The following KCNH8 variants were observed in gnomAD, a reference collection of about 807,000 sequenced individuals.
KCNH8 encodes the protein voltage-gated delayed rectifier potassium channel KCNH8.
Under a neutral mutation model 103.6 loss-of-function variants are expected in KCNH8, and 70 were observed. The ratio of observed to expected loss-of-function variants is 0.68; its 90% CI spans 0.56 to 0.82. The LOEUF (loss-of-function observed/expected upper bound fraction) is 0.82. KCNH8 is among the 40% of genes least tolerant of loss of function. The pLI, the probability that KCNH8 is intolerant of heterozygous loss-of-function variation, is 0.00. For missense variants in KCNH8, 1,217 were observed against 1,329.9 expected, an observed-to-expected ratio of 0.92 and a Z score of 1.32; for synonymous variants, 498 against 489.4, an observed-to-expected ratio of 1.02 and a Z score of -0.23.
At position 19,202,868 on chromosome 3, in the gene KCNH8, A is replaced by T. The variant is rs933434233; in HGVS notation, c.77-50786A>T. ...TGATGATAACATGTAATGTGCACAA[A>T]AAGTTTGTTGACATTTACCACCCAT... On this transcript the variant is annotated intron_variant, in intron 1 of 15. Coordinates refer to ENST00000328405, the MANE Select transcript of KCNH8 (RefSeq NM_144633.3). Among the ~76,000 whole-genome samples, 4 of 152,130 alleles carry T rather than the reference A, an allele frequency of 2.6e-5. No homozygotes were observed. In the East Asian group the frequency reaches 7.7e-4, roughly 29 times the overall value.
At chr3:19,520,294 A>G (rs1049740796) in intron 15 of KCNH8, among the ~76,000 whole-genome samples, 3 of 151,880 alleles carry the variant, frequency 2.0e-5, no homozygotes, top group African/African-American at 4.8e-5. Context: ...GAAAGATAAA[A>G]TATCAAGGTC....
At chr3:19,317,785 T>C in intron 3 of KCNH8, among the ~76,000 whole-genome samples, 1 of 151,760 alleles carries the variant, frequency 6.6e-6, no homozygotes, top group Non-Finnish European at 1.5e-5. Flanking sequence ...TCCTTTCATG[T>C]TAAAAACTCT....
chr3:19,457,908 C>A (rs1466480717), intron 11 of KCNH8, among the ~76,000 whole-genome samples: 3 of 151,890 alleles, frequency 2.0e-5, no homozygotes, highest in Admixed American at 1.3e-4. Flanking sequence ...TAGATAATAT[C>A]CCATTATGAG....
chr3:19,292,731 C>T (rs761313339), intron 3 of KCNH8, among the ~76,000 whole-genome samples: 12 of 152,138 alleles, frequency 7.9e-5, no homozygotes, highest in Admixed American at 7.2e-4. Flanking sequence ...TTGCTTGTCA[C>T]CTGATGGTTG....
intron 5 of KCNH8, among the ~76,000 whole-genome samples, chr3:19,389,393 G>A (rs913941310): frequency 2.6e-5 from 4 of 152,132 alleles, no homozygotes; most frequent in Non-Finnish European, 4.4e-5. Context: ...TAAAACGCTC[G>A]ATAATATATA....
chr3:19,156,985 A>ATTTT (rs1205838506), intron 1 of KCNH8, among the ~76,000 whole-genome samples: 1,880 of 142,474 alleles, frequency 0.013, 42 homozygotes, highest in African/African-American at 0.054. Flanking sequence ...TTTTTTTTAA[A>ATTTT]AAAAAGGTTT....
rs996535944 is a variant in KCNH8, at chr3:19,191,614, T to C, written c.76+42819T>C. On this transcript the variant is annotated intron_variant, in intron 1 of 15. Transcript: ENST00000328405. ...CTCTGTCACCTTTCTCTAGAACTCC[T>C]GTTAGATGCATGTTAGCCTTTCAAT... 2.8e-4 allele frequency among the ~76,000 whole-genome samples: 43 copies of C among 151,770 alleles called. 1 individual carries two copies. The highest frequency in any genetic ancestry group is 1.0e-3 in the African/African-American group (43 of 41,382).
rs536560438 is a variant in KCNH8, at chr3:19,205,144, T to C, written c.77-48510T>C. 8.5e-5 allele frequency among the ~76,000 whole-genome samples: 13 copies of C among 152,072 alleles called. No individual in the cohort carries two copies. The South Asian group carries it at 2.5e-3, about 29-fold the overall frequency. On this transcript the variant is annotated intron_variant, in intron 1 of 15. Coordinates refer to ENST00000328405, the MANE Select transcript of KCNH8 (RefSeq NM_144633.3). ...ACCCATCCACCTACCCAACTATCTA[T>C]CTACCTATCCATCCACTCACTCTTT...
chr3:19,499,254 G>C (rs1429274511), intron 11 of KCNH8, among the ~76,000 whole-genome samples: 5 of 152,104 alleles, frequency 3.3e-5, no homozygotes, highest in East Asian at 1.9e-4. Flanking sequence ...AGAATAAAAA[G>C]AAACGAGCAA....
chr3:19,200,949 C>T (rs180906003), intron 1 of KCNH8, among the ~76,000 whole-genome samples: 18 of 151,596 alleles, frequency 1.2e-4, no homozygotes, highest in Admixed American at 2.0e-4. Context: ...GTAGTATATA[C>T]GGCCGGGCGC....
At chr3:19,503,982 A>G (rs1009966789) in intron 11 of KCNH8, among the ~76,000 whole-genome samples, 1 of 152,150 alleles carries the variant, frequency 6.6e-6, no homozygotes, top group Admixed American at 6.5e-5. Context: ...GGGATACTGT[A>G]CAAAAAGAGA....
chr3:19,534,335 G>A lies in KCNH8; in HGVS notation c.*236G>A. On this transcript the variant is annotated 3_prime_UTR_variant, in exon 16 of 16. Transcript: ENST00000328405. Reference sequence around the variant, plus strand: ...CAGGTATTAAACTACTGGTCTGTTTGACAGACTTTGGTAACAATCCAAAGA... The same window carrying A: ...CAGGTATTAAACTACTGGTCTGTTTAACAGACTTTGGTAACAATCCAAAGA... 4 of 520,694 alleles carry A rather than the reference G, an allele frequency of 7.7e-6. No homozygotes were observed. The highest frequency in any genetic ancestry group is 3.1e-5 in the East Asian group (1 of 32,308). 32.3% of individuals were successfully genotyped at this position (520,694 alleles called of 1,614,324 possible). A position where few individuals can be genotyped will look rare whatever the true frequency, so the allele number is the denominator to read the frequency against.
intron 3 of KCNH8, among the ~76,000 whole-genome samples, chr3:19,330,490 G>C (rs1052975950): frequency 3.3e-5 from 5 of 152,102 alleles, no homozygotes; most frequent in African/African-American, 1.2e-4. Flanking sequence ...CACCTATTGT[G>C]AAACTGTTGT....
At chr3:19,308,344 AAACT>A (rs2065156994) in intron 3 of KCNH8, among the ~76,000 whole-genome samples, 1 of 151,710 alleles carries the variant, frequency 6.6e-6, no homozygotes, top group East Asian at 1.9e-4. Context: ...AGTAGACCTC[AAACT>A]AATCTGTGCA....
intron 5 of KCNH8, among the ~76,000 whole-genome samples, chr3:19,375,912 C>A (rs529109284): frequency 3.2e-4 from 48 of 152,266 alleles, no homozygotes; most frequent in African/African-American, 1.1e-3. Context: ...CCCAGTTAGG[C>A]TGCTCGGGGG....
chr3:19,349,803 AC>A (rs1482361206), intron 5 of KCNH8, among the ~76,000 whole-genome samples: 7 of 152,012 alleles, frequency 4.6e-5, no homozygotes, highest in African/African-American at 1.4e-4. Flanking sequence ...CCTGATAGCA[AC>A]CCCTAAATTC....
At position 19,419,194 on chromosome 3, in the gene KCNH8, G is replaced by GTTTTTTTT. The variant is rs1491504046; in HGVS notation, c.1178-18970_1178-18969insTTTTTTTT. On this transcript the variant is annotated intron_variant, in intron 7 of 15. Transcript: ENST00000328405. ...AAAAAGAAGTAATTAAAATGGTTTT[G>GTTTTTTTT]GTTTTTTTTTTTTTTTTTTTTTTGA... Among the ~76,000 whole-genome samples, 165 of 64,114 alleles carry GTTTTTTTT rather than the reference G, an allele frequency of 2.6e-3. 21 individuals carry two copies. The highest frequency in any genetic ancestry group is 3.1e-3 in the African/African-American group (43 of 14,080). The allele number at this position is 64,114 out of a possible 152,430, so 42.1% of individuals were successfully genotyped here. A position where few individuals can be genotyped will look rare whatever the true frequency, so the allele number is the denominator to read the frequency against.
At chr3:19,385,602 CAAGAT>C (rs1297713041) in intron 5 of KCNH8, among the ~76,000 whole-genome samples, 1 of 152,140 alleles carries the variant, frequency 6.6e-6, no homozygotes, top group Non-Finnish European at 1.5e-5. Flanking sequence ...ACAATTCTGA[CAAGAT>C]AAGCAAGGGT....
chr3:19,196,663 A>C (rs564078416), intron 1 of KCNH8, among the ~76,000 whole-genome samples: 14 of 152,054 alleles, frequency 9.2e-5, no homozygotes, highest in Admixed American at 2.6e-4. Context: ...GGCTAAATTG[A>C]CTTCCTTTCT....
Sources: allele counts gnomAD v4.1 joint callset (sites outside exome capture counted in the v4.1 genomes callset), GRCh38; gene constraint gnomAD v4.1.1; transcripts MANE v1.5; gene names NCBI Gene and HGNC (gene_info 2026-07-23, HGNC 2026-07-21).